ST6GALNAC5: variants seen among roughly 807,000 people sequenced by gnomAD.
ST6GALNAC5 encodes the protein alpha-N-acetylgalactosaminide alpha-2,6-sialyltransferase 5.
ST6GALNAC5 carries 27 observed loss-of-function variants against 33.6 expected under a neutral mutation model. The ratio of observed to expected loss-of-function variants is 0.80; its 90% CI spans 0.59 to 1.11. ST6GALNAC5 has a LOEUF of 1.11. ST6GALNAC5 is among the 50% of genes least tolerant of loss of function. The pLI, the probability that ST6GALNAC5 is intolerant of heterozygous loss-of-function variation, is 0.00. For missense variants in ST6GALNAC5, 428 were observed against 454.0 expected (o/e 0.94, Z 0.52); for synonymous variants, 194 against 171.2 (o/e 1.13, Z -1.04).
At chr1:76,931,280 G>A (rs1197607114) in intron 2 of ST6GALNAC5, among the ~76,000 whole-genome samples, 1 of 152,056 alleles carries the variant, frequency 6.6e-6, no homozygotes, top group Non-Finnish European at 1.5e-5. Flanking sequence ...ACCACACCCT[G>A]CCAACACCTT....
Position 77,018,812 on chromosome 1 carries a change from T to G in ST6GALNAC5, c.262-25392T>G, listed in dbSNP as rs180981271. On this transcript the variant is annotated intron_variant, in intron 2 of 4. Coordinates refer to ENST00000477717, the MANE Select transcript of ST6GALNAC5 (RefSeq NM_030965.3). Reference sequence around the variant, plus strand: ...GTTCAATAAATGGTGGTGATTATTGTTATTAGTCCACTATCATTCTTAAAT... The same window carrying G: ...GTTCAATAAATGGTGGTGATTATTGGTATTAGTCCACTATCATTCTTAAAT... Among the ~76,000 whole-genome samples the G allele has an allele frequency of 4.6e-5, 7 of 152,338 alleles. No individual in the cohort carries two copies. In the East Asian group the frequency reaches 1.3e-3, roughly 29 times the overall value.
intron 2 of ST6GALNAC5, among the ~76,000 whole-genome samples, chr1:76,907,106 C>A (rs2100274029): frequency 6.6e-6 from 1 of 152,272 alleles, no homozygotes; most frequent in South Asian, 2.1e-4. Flanking sequence ...ACTCTTTCAA[C>A]ATTCTGCTAA....
rs1306581267 is a variant in ST6GALNAC5 at position 77,038,487 on chromosome 1, C to T, written c.262-5717C>T. Reference sequence around the variant, plus strand: ...AGGCAGCTCCCAGAGCAAGACCGGTCTCATTACTGAGCTAATGGACATTAT... The same window carrying T: ...AGGCAGCTCCCAGAGCAAGACCGGTTTCATTACTGAGCTAATGGACATTAT... On this transcript the variant is annotated intron_variant, in intron 2 of 4. Transcript: ENST00000477717. Among the ~76,000 whole-genome samples, 5 of 152,342 alleles carry T rather than the reference C, an allele frequency of 3.3e-5. No homozygotes were observed. In the South Asian group the frequency reaches 8.3e-4, roughly 25 times the overall value.
At chr1:76,878,415 C>T (rs1653698299) in intron 2 of ST6GALNAC5, among the ~76,000 whole-genome samples, 1 of 152,112 alleles carries the variant, frequency 6.6e-6, no homozygotes, top group African/African-American at 2.4e-5. Flanking sequence ...AATTACCTGA[C>T]CTCCATAAGC....
chr1:77,062,992 C>T lies in ST6GALNAC5; in HGVS notation c.797C>T (p.Ser266Leu), dbSNP rs1652636904. 1 of 1,613,744 alleles carries T rather than the reference C, an allele frequency of 6.2e-7. No individual in the cohort carries two copies. Among genetic ancestry groups the T allele is most frequent in the African/African-American group, 1.3e-5 (1 of 74,898 alleles). ...PDFCRDPNHPSVPYHYYEPFG... is the reference protein window; with the variant it reads ...PDFCRDPNHPLVPYHYYEPFG... Reference sequence around the variant, plus strand: ...TCCTACAGGGATCCCAATCACCCTTCAGTACCTTATCATTATTATGAACCT... The same window carrying T: ...TCCTACAGGGATCCCAATCACCCTTTAGTACCTTATCATTATTATGAACCT... Residue 266 changes from serine (S) to leucine (L), a missense_variant, in exon 5 of 5, where the codon TCA becomes TTA. Ser to Leu is a moderately radical substitution (Grantham distance 145). Coordinates refer to ENST00000477717, the MANE Select transcript of ST6GALNAC5 (RefSeq NM_030965.3).
intron 4 of ST6GALNAC5, 106 bp from the exon 5 acceptor site, chr1:77,062,869 G>A: frequency 2.6e-6 from 2 of 769,834 alleles, no homozygotes; most frequent in Non-Finnish European, 4.2e-6. Flanking sequence ...CATTTAACTA[G>A]AAAATACAAT....
chr1:76,970,471 T>C (rs889911608), intron 2 of ST6GALNAC5, among the ~76,000 whole-genome samples: 4 of 151,722 alleles, frequency 2.6e-5, no homozygotes, highest in Admixed American at 2.6e-4. Context: ...TGAAGATCAA[T>C]TTAATGAAAT....
chr1:76,962,098 T>A (rs1648261480), intron 2 of ST6GALNAC5, among the ~76,000 whole-genome samples: 2 of 152,214 alleles, frequency 1.3e-5, no homozygotes, highest in South Asian at 2.1e-4. Flanking sequence ...TGATTTTTTT[T>A]AAGAAGTGAT....
intron 2 of ST6GALNAC5, among the ~76,000 whole-genome samples, chr1:77,001,099 C>T (rs12211127): frequency 5.9e-5 from 9 of 151,892 alleles, no homozygotes; most frequent in African/African-American, 1.2e-4. Flanking sequence ...GTCATGTTCA[C>T]GATATTGATT....
chr1:76,941,183 C>T (rs924762761), intron 2 of ST6GALNAC5, among the ~76,000 whole-genome samples: 5 of 152,032 alleles, frequency 3.3e-5, no homozygotes, highest in African/African-American at 1.2e-4. Context: ...TCCCACAAGC[C>T]TCATAAATAC....
At chr1:76,907,324 C>T (rs186767736) in intron 2 of ST6GALNAC5, among the ~76,000 whole-genome samples, 2 of 152,216 alleles carry the variant, frequency 1.3e-5, no homozygotes, top group Non-Finnish European at 2.9e-5. Context: ...TGTGAAGCCT[C>T]CTGTTCCTAT....
intron 2 of ST6GALNAC5, among the ~76,000 whole-genome samples, chr1:76,940,756 G>A (rs973582727): frequency 5.3e-5 from 8 of 152,066 alleles, no homozygotes; most frequent in African/African-American, 1.9e-4. Flanking sequence ...ACACCCCGCT[G>A]ACAGTCTGCA....
At chr1:76,986,148 G>GCCAAAA (rs1649485596) in intron 2 of ST6GALNAC5, among the ~76,000 whole-genome samples, 1 of 151,662 alleles carries the variant, frequency 6.6e-6, no homozygotes, top group African/African-American at 2.4e-5. Context: ...AAAGCCAAAA[G>GCCAAAA]CCAAAATAGA....
intron 2 of ST6GALNAC5, among the ~76,000 whole-genome samples, chr1:76,875,317 G>T (rs933003935): frequency 3.9e-5 from 6 of 152,124 alleles, no homozygotes; most frequent in Non-Finnish European, 8.8e-5. Context: ...TACCTGGATT[G>T]GGCGGTTGTA....
At chr1:77,000,794 A>G (rs948560823) in intron 2 of ST6GALNAC5, among the ~76,000 whole-genome samples, 3 of 151,892 alleles carry the variant, frequency 2.0e-5, no homozygotes, top group Admixed American at 6.6e-5. Flanking sequence ...CAAAGATCAG[A>G]TAGTTGTAGA....
At chr1:76,996,571 C>T (rs1397814793) in intron 2 of ST6GALNAC5, among the ~76,000 whole-genome samples, 3 of 152,130 alleles carry the variant, frequency 2.0e-5, no homozygotes, top group East Asian at 1.9e-4. Context: ...TTTGCACAAA[C>T]GTTAACAACT....
At chr1:76,919,326 A>G (rs942194066) in intron 2 of ST6GALNAC5, among the ~76,000 whole-genome samples, 2 of 152,114 alleles carry the variant, frequency 1.3e-5, no homozygotes, top group Admixed American at 1.3e-4. Context: ...AGAAGTACCA[A>G]GCAGCTTGTA....
chr1:76,977,703 A>T (rs2100375830), intron 2 of ST6GALNAC5, among the ~76,000 whole-genome samples: 1 of 152,046 alleles, frequency 6.6e-6, no homozygotes, highest in East Asian at 1.9e-4. Context: ...TATACACCAC[A>T]TTTTCTTTAT....
At chr1:76,891,014 T>A (rs1654001686) in intron 2 of ST6GALNAC5, among the ~76,000 whole-genome samples, 1 of 152,212 alleles carries the variant, frequency 6.6e-6, no homozygotes, top group Admixed American at 6.5e-5. Flanking sequence ...TTATTCATCA[T>A]GTATATTTTT....
Sources: gnomAD v4.1 joint callset for allele counts (sites outside exome capture counted in the v4.1 genomes callset) on GRCh38, gnomAD v4.1.1 for gene constraint, MANE v1.5 for transcripts, NCBI Gene and HGNC (gene_info 2026-07-23, HGNC 2026-07-21) for gene names.